Variants in FAM227B observed in about 807,000 individuals in gnomAD.
FAM227B encodes the protein protein FAM227B.
A neutral mutation model predicts 73.8 loss-of-function variants in FAM227B; 88 were observed. That is an observed-to-expected ratio of 1.19 (90% CI 1.00 to 1.42). The LOEUF is 1.42. Among genes scored for constraint, FAM227B ranks in the 40% most tolerant of loss-of-function variants. FAM227B has a pLI of 0.00. For missense variants in FAM227B, 632 were observed against 590.9 expected, an observed-to-expected ratio of 1.07 and a Z score of -0.72; for synonymous variants, 210 against 190.5, an observed-to-expected ratio of 1.10 and a Z score of -0.84.
intron 11 of FAM227B, among the ~76,000 whole-genome samples, chr15:49,421,903 T>G (rs767106753): frequency 9.2e-5 from 14 of 152,058 alleles, no homozygotes; most frequent in Non-Finnish European, 1.8e-4. Flanking sequence ...GATCAAAGAG[T>G]CTGTCCCCCT....
At chr15:49,402,409 G>A (rs1314049815) in intron 11 of FAM227B, among the ~76,000 whole-genome samples, 1 of 152,202 alleles carries the variant, frequency 6.6e-6, no homozygotes, top group Admixed American at 6.5e-5. Context: ...GTCTATCCAT[G>A]AGCATGGAAG....
rs140634230 is a variant in FAM227B at position 49,366,347 on chromosome 15, A to G, written c.1271+1101T>C. On this transcript the variant is annotated intron_variant, in intron 13 of 15. Coordinates refer to ENST00000299338, the MANE Select transcript of FAM227B (RefSeq NM_152647.3). ...AAATAGGATACTGTTATTGACAACC[A>G]ACATTGCTTCAGCACCTCTTTTCTG... The G allele has an allele frequency of 1.8e-3, 1,419 of 787,360 alleles. 18 individuals carry two copies. The African/African-American group carries it at 0.022, about 12-fold the overall frequency. 48.8% of individuals were successfully genotyped at this position (787,360 alleles called of 1,614,324 possible).
chr15:49,413,747 G>A (rs924060963), intron 11 of FAM227B, among the ~76,000 whole-genome samples: 12 of 151,750 alleles, frequency 7.9e-5, no homozygotes, highest in African/African-American at 1.2e-4. Flanking sequence ...CATTGGTCTC[G>A]TGTTGCCCAA....
At chr15:49,589,728 CAT>C in intron 4 of FAM227B, 46 bp downstream of exon 4, 1 of 1,181,834 alleles carries the variant, frequency 8.5e-7, no homozygotes, top group Non-Finnish European at 1.2e-6. Flanking sequence ...GCCTGGGAAA[CAT>C]AGTGAGACTC....
intron 11 of FAM227B, among the ~76,000 whole-genome samples, chr15:49,456,196 T>C (rs1395389651): frequency 6.6e-6 from 1 of 152,164 alleles, no homozygotes; most frequent in Non-Finnish European, 1.5e-5. Context: ...GAATTAATTC[T>C]TTAGAATTTC....
At chr15:49,553,380 G>A (rs2073269154) in intron 9 of FAM227B, among the ~76,000 whole-genome samples, 1 of 152,200 alleles carries the variant, frequency 6.6e-6, no homozygotes, top group Admixed American at 6.5e-5. Context: ...AAGACGTGAA[G>A]CCAGAACAAT....
intron 11 of FAM227B, among the ~76,000 whole-genome samples, chr15:49,394,643 C>T (rs1004851023): frequency 1.2e-4 from 18 of 152,014 alleles, no homozygotes; most frequent in Admixed American, 7.9e-4. Flanking sequence ...ATTAGGTTTG[C>T]GGCTTTTTCA....
intron 11 of FAM227B, among the ~76,000 whole-genome samples, chr15:49,459,178 A>T (rs1013690198): frequency 1.3e-5 from 2 of 150,916 alleles, no homozygotes; most frequent in African/African-American, 2.4e-5. Context: ...TATGTTTCTC[A>T]CACCACATTG....
chr15:49,611,628 T>C (rs1243997856), intron 2 of FAM227B, among the ~76,000 whole-genome samples: 1 of 152,230 alleles, frequency 6.6e-6, no homozygotes, highest in Non-Finnish European at 1.5e-5. Context: ...AAATATAATA[T>C]GTTCTTGCTG....
At chr15:49,375,883 AC>A (rs1423106418) in intron 11 of FAM227B, among the ~76,000 whole-genome samples, 1 of 152,078 alleles carries the variant, frequency 6.6e-6, no homozygotes, top group East Asian at 1.9e-4. Context: ...AGGAATTGAG[AC>A]TATCTTTATT....
At chr15:49,510,010 C>A (rs59482393) in intron 10 of FAM227B, among the ~76,000 whole-genome samples, 1 of 151,988 alleles carries the variant, frequency 6.6e-6, no homozygotes, top group African/African-American at 2.4e-5. Flanking sequence ...CACACATCCC[C>A]AAGACCATAT....
intron 11 of FAM227B, among the ~76,000 whole-genome samples, chr15:49,471,307 A>T (rs905868516): frequency 6.6e-6 from 1 of 151,842 alleles, no homozygotes; most frequent in Admixed American, 6.6e-5. Context: ...TAACATGGCA[A>T]AACCCCTCCT....
Position 49,457,527 on chromosome 15 carries a change from A to AT in FAM227B, c.1012+50683dup, listed in dbSNP as rs576513736. 2.0e-3 allele frequency among the ~76,000 whole-genome samples: 298 copies of AT among 152,144 alleles called. 2 individuals carry two copies. The highest frequency in any genetic ancestry group is 6.9e-3 in the African/African-American group (286 of 41,578). ...TTTTCTTAAAAATCTATAACATTTT[A>AT]TAAGTAACTACATTATCAAATTCCT... On this transcript the variant is annotated intron_variant, in intron 11 of 15. Coordinates refer to ENST00000299338, the MANE Select transcript of FAM227B (RefSeq NM_152647.3).
intron 11 of FAM227B, among the ~76,000 whole-genome samples, chr15:49,456,198 T>A (rs1002931815): frequency 6.6e-6 from 1 of 152,154 alleles, no homozygotes; most frequent in Non-Finnish European, 1.5e-5. Context: ...ATTAATTCTT[T>A]AGAATTTCAT....
intron 11 of FAM227B, among the ~76,000 whole-genome samples, chr15:49,489,865 TATATATATATATATATATAGAGAGAG>T (rs2056874898): frequency 5.7e-4 from 6 of 10,534 alleles, no homozygotes; most frequent in Non-Finnish European, 1.2e-3. Context: ...ATATTTTATA[TATATATATATATATATATAGAGAGAG>T]AGAGAGAGAG....
In FAM227B at chr15:49,327,975, G is replaced by GACTT. The variant is rs2037824760; in HGVS notation, c.*589_*592dup. On this transcript the variant is annotated 3_prime_UTR_variant, in exon 16 of 16. Coordinates refer to ENST00000299338, the MANE Select transcript of FAM227B (RefSeq NM_152647.3). ...AGGAAGTTTGGGGCTCAAGGGTCAC[G>GACTT]ACTTACTGGAGCAGGATGGGGAGGC... The GACTT allele has an allele frequency of 3.7e-6, 6 of 1,613,378 alleles. No homozygotes were observed. The highest frequency in any genetic ancestry group is 2.5e-6 in the Non-Finnish European group (3 of 1,179,512).
At chr15:49,567,995 TA>T (rs1447193512) in intron 9 of FAM227B, among the ~76,000 whole-genome samples, 1 of 152,064 alleles carries the variant, frequency 6.6e-6, no homozygotes, top group Non-Finnish European at 1.5e-5. Context: ...TCAGTAGTTT[TA>T]AAATTATTAA....
chr15:49,463,965 T>C (rs745382164), intron 11 of FAM227B, among the ~76,000 whole-genome samples: 2 of 152,218 alleles, frequency 1.3e-5, no homozygotes, highest in Non-Finnish European at 2.9e-5. Context: ...ACTATTTTTA[T>C]CCTAGGATAA....
chr15:49,570,932 T>C (rs2075054323), intron 8 of FAM227B, among the ~76,000 whole-genome samples: 1 of 147,990 alleles, frequency 6.8e-6, no homozygotes, highest in South Asian at 2.1e-4. Flanking sequence ...ACATTAAATA[T>C]ATATTATATA....
Sources: allele counts gnomAD v4.1 joint callset (sites outside exome capture counted in the v4.1 genomes callset), GRCh38; gene constraint gnomAD v4.1.1; transcripts MANE v1.5; gene names NCBI Gene and HGNC (gene_info 2026-07-23, HGNC 2026-07-21).